Variants in TRPC6 observed in about 807,000 individuals in gnomAD.
TRPC6 encodes short transient receptor potential channel 6.
In TRPC6, 55 loss-of-function variants were observed where a neutral mutation model predicts 90.7. The observed-to-expected ratio is 0.61, with a 90% CI of 0.49 to 0.76. TRPC6 has a LOEUF of 0.76. TRPC6 is among the 30% of genes least tolerant of loss of function. TRPC6 has a pLI of 0.00. For synonymous variants in TRPC6, 393 were observed against 393.0 expected (o/e 1.00, Z 0.00); for missense variants, 989 against 1,122.7 (o/e 0.88, Z 1.70).
rs868205116 is a variant in TRPC6 at position 101,558,362 on chromosome 11, T to C, written c.170+24972A>G. ...ACATGTATATATGTATACATGTATA[T>C]GGGTATACATGTATATATGTATACA... On this transcript the variant is annotated intron_variant, in intron 1 of 12. Transcript: ENST00000344327. 9.9e-5 allele frequency among the ~76,000 whole-genome samples: 10 copies of C among 101,414 alleles called. 2 individuals carry two copies. Among genetic ancestry groups the C allele is most frequent in the Non-Finnish European group, 2.1e-4 (9 of 43,748 alleles). The allele number at this position is 101,414 out of a possible 152,430, so 66.5% of individuals were successfully genotyped here. A position where few individuals can be genotyped will look rare whatever the true frequency, so the allele number is the denominator to read the frequency against.
chr11:101,564,464 A>G (rs916342336), intron 1 of TRPC6, among the ~76,000 whole-genome samples: 1 of 151,904 alleles, frequency 6.6e-6, no homozygotes, highest in African/African-American at 2.4e-5. Flanking sequence ...TTCACTTTCT[A>G]TTGTGCTAGT....
rs1207267701 is a variant in TRPC6, at chr11:101,567,776, CCTGA to C, written c.170+15554_170+15557del. 4.6e-5 allele frequency among the ~76,000 whole-genome samples: 7 copies of C among 152,224 alleles called. No homozygotes were observed. The South Asian group carries it at 8.3e-4, about 18-fold the overall frequency. On this transcript the variant is annotated intron_variant, in intron 1 of 12. Coordinates refer to ENST00000344327, the MANE Select transcript of TRPC6 (RefSeq NM_004621.6). ...TTCCAGCAAACCTGCAGCGGAGGGG[CCTGA>C]CTGTTAGAAGTAAAACTAACAAACA...
intron 10 of TRPC6, among the ~76,000 whole-genome samples, chr11:101,463,267 T>G (rs10791474): frequency 0.31 from 47,217 of 152,040 alleles, 9,565 homozygotes; most frequent in African/African-American, 0.58. Flanking sequence ...GGCCTGAAAT[T>G]TTCTTTTTCT....
Position 101,521,869 on chromosome 11 carries a change from T to A in TRPC6, c.171-17071A>T, listed in dbSNP as rs146677650. The stretch of plus-strand genomic sequence containing the variant: ...AGACTTGTACAGGGCCTGTAACTCC[T>A]CCCTTTGGCTGATTTCTCCCCTTTG... On this transcript the variant is annotated intron_variant, in intron 1 of 12. Transcript: ENST00000344327. 1.2e-4 allele frequency among the ~76,000 whole-genome samples: 19 copies of A among 152,312 alleles called. No individual in the cohort carries two copies. In the East Asian group the frequency reaches 3.7e-3, roughly 29 times the overall value.
At chr11:101,526,932 GTATTTT>G (rs1333856292) in intron 1 of TRPC6, among the ~76,000 whole-genome samples, 1 of 125,686 alleles carries the variant, frequency 8.0e-6, no homozygotes, top group African/African-American at 3.0e-5. Context: ...AATAGAAAAT[GTATTTT>G]TAAAGTATAT....
intron 2 of TRPC6, among the ~76,000 whole-genome samples, chr11:101,501,243 G>A (rs1860114917): frequency 6.8e-6 from 1 of 147,150 alleles, no homozygotes; most frequent in South Asian, 2.1e-4. Context: ...AGACTCTAAG[G>A]GAGTTGACTA....
chr11:101,528,260 A>T (rs1329671259), intron 1 of TRPC6, among the ~76,000 whole-genome samples: 1 of 152,198 alleles, frequency 6.6e-6, no homozygotes, highest in Non-Finnish European at 1.5e-5. Flanking sequence ...AGAACTTAAG[A>T]TACTGACATG....
intron 1 of TRPC6, among the ~76,000 whole-genome samples, chr11:101,547,357 T>C (rs1861330941): frequency 6.6e-6 from 1 of 152,196 alleles, no homozygotes. Flanking sequence ...ATTAATGTAA[T>C]ATTTCCTTTT....
chr11:101,548,660 G>A (rs927851986), intron 1 of TRPC6, among the ~76,000 whole-genome samples: 3 of 146,648 alleles, frequency 2.0e-5, no homozygotes, highest in South Asian at 2.1e-4. Context: ...TGCTGCATCC[G>A]TAAACAATCA....
chr11:101,491,477 T>G (rs1859808886), intron 3 of TRPC6, 79 bp downstream of exon 3: 3 of 1,532,126 alleles, frequency 2.0e-6, no homozygotes, highest in Non-Finnish European at 2.7e-6. Context: ...CAGCTTAATC[T>G]AACAATATCA....
At chr11:101,499,385 T>G (rs1206133804) in intron 2 of TRPC6, among the ~76,000 whole-genome samples, 1 of 151,872 alleles carries the variant, frequency 6.6e-6, no homozygotes, top group East Asian at 1.9e-4. Flanking sequence ...TTCTTTCTGA[T>G]TTAGAATTTT....
chr11:101,469,479 C>T lies in TRPC6; in HGVS notation c.2432G>A (p.Gly811Glu). The change falls in exon 10 of 13, where the codon GGA becomes GAA. Residue 811 changes from glycine (G) to glutamate (E), a missense_variant. Gly to Glu is a moderately conservative substitution (Grantham distance 98, BLOSUM62 -2). Coordinates refer to ENST00000344327, the MANE Select transcript of TRPC6 (RefSeq NM_004621.6). ...MNKINEEKKL[G>E]ILGSHEDLSK... ...AAGGTCTTCATGACTTCCTAAAATT[C>T]CAAGTTTCTTTTCTTCATTTATCTT... 1.3e-6 allele frequency: 1 copy of T among 769,734 alleles called. No individual in the cohort carries two copies. The allele number at this position is 769,734 out of a possible 1,614,324, so 47.7% of individuals were successfully genotyped here.
At chr11:101,523,320 T>A (rs915345549) in intron 1 of TRPC6, among the ~76,000 whole-genome samples, 1 of 151,798 alleles carries the variant, frequency 6.6e-6, no homozygotes, top group African/African-American at 2.4e-5. Context: ...TTTAACAGAG[T>A]TTTTTCTTTT....
At chr11:101,490,484 G>A (rs1859779471) in intron 3 of TRPC6, among the ~76,000 whole-genome samples, 1 of 152,094 alleles carries the variant, frequency 6.6e-6, no homozygotes, top group South Asian at 2.1e-4. Flanking sequence ...TTGAGACAGA[G>A]TCTCACTCTG....
intron 1 of TRPC6, among the ~76,000 whole-genome samples, chr11:101,509,843 G>A (rs1322591721): frequency 6.6e-6 from 1 of 151,920 alleles, no homozygotes; most frequent in Non-Finnish European, 1.5e-5. Context: ...AATCTGTTTA[G>A]CACTCTGTCA....
At chr11:101,494,003 A>T (rs1859886339) in intron 2 of TRPC6, among the ~76,000 whole-genome samples, 1 of 152,208 alleles carries the variant, frequency 6.6e-6, no homozygotes, top group Non-Finnish European at 1.5e-5. Flanking sequence ...TTAATAAAGC[A>T]AATTGTGTCT....
At chr11:101,525,624 G>C (rs1050665247) in intron 1 of TRPC6, among the ~76,000 whole-genome samples, 3 of 152,190 alleles carry the variant, frequency 2.0e-5, no homozygotes, top group Non-Finnish European at 2.9e-5. Context: ...AGTTAAGAGA[G>C]AACGTAACAC....
intron 1 of TRPC6, chr11:101,583,060 A>ATCACC (rs1176284001): frequency 1.9e-6 from 1 of 536,694 alleles, no homozygotes; most frequent in Non-Finnish European, 2.4e-6. Flanking sequence ...ATCACCTGCA[A>ATCACC]TGGTGGTGTT....
intron 1 of TRPC6, among the ~76,000 whole-genome samples, chr11:101,519,002 T>G (rs1163816702): frequency 6.6e-6 from 1 of 152,038 alleles, no homozygotes; most frequent in Non-Finnish European, 1.5e-5. Flanking sequence ...ACAATTGAAT[T>G]CATGGACACA....
Sources: gnomAD v4.1 joint callset for allele counts (sites outside exome capture counted in the v4.1 genomes callset) on GRCh38, gnomAD v4.1.1 for gene constraint, MANE v1.5 for transcripts, NCBI Gene and HGNC (gene_info 2026-07-23, HGNC 2026-07-21) for gene names.